Variants in CHL1 observed in about 807,000 individuals in gnomAD.
CHL1 encodes neural cell adhesion molecule L1-like protein.
CHL1 carries 96 observed loss-of-function variants against 141.9 expected under a neutral mutation model. The observed-to-expected ratio is 0.68, with a 90% CI of 0.57 to 0.80. The LOEUF is 0.80. CHL1 is among the 30% of genes least tolerant of loss of function. The pLI is 0.00. For missense variants in CHL1, 1,820 were observed against 1,457.2 expected (o/e 1.25, Z -4.05); for synonymous variants, 613 against 502.2 (o/e 1.22, Z -2.95).
At chr3:363,179 C>T (rs1237592484) in intron 13 of CHL1, 38 bp from the exon 14 acceptor site, 1 of 1,575,342 alleles carries the variant, frequency 6.3e-7, no homozygotes, top group Non-Finnish European at 8.6e-7. Flanking sequence ...TACAATTTTG[C>T]CCTACCTCAG....
Position 360,433 on chromosome 3 carries a change from G to A in CHL1, c.1306+9G>A. The A allele has an allele frequency of 6.2e-7, 1 of 1,612,652 alleles. No homozygotes were observed. Among genetic ancestry groups the A allele is most frequent in the South Asian group, 1.1e-5 (1 of 90,722 alleles). On this transcript the variant is annotated intron_variant, in intron 12 of 27. Transcript: ENST00000256509. ...CAATATTGATGTTGTGGGTGAGTGT[G>A]CCTGGGAGCTGACTTAACATGCTAT...
chr3:276,452 A>G (rs528933807), intron 2 of CHL1, among the ~76,000 whole-genome samples: 6 of 152,302 alleles, frequency 3.9e-5, no homozygotes, highest in African/African-American at 1.4e-4. Flanking sequence ...GCATGATTGG[A>G]ATCCAGTGAC....
At chr3:389,532 T>C in intron 20 of CHL1, 58 bp downstream of exon 20, 1 of 1,304,334 alleles carries the variant, frequency 7.7e-7, no homozygotes, top group Admixed American at 1.7e-5. Context: ...TCAAATATAT[T>C]GTACTTCAAT....
intron 1 of CHL1, among the ~76,000 whole-genome samples, chr3:240,233 C>T (rs3913285): frequency 0.46 from 69,373 of 151,982 alleles, 17,304 homozygotes; most frequent in Non-Finnish European, 0.55. Flanking sequence ...TGCTCCCTTT[C>T]CATTGCATCC....
intron 1 of CHL1, among the ~76,000 whole-genome samples, chr3:210,052 C>A (rs1423032533): frequency 6.6e-6 from 1 of 152,020 alleles, no homozygotes; most frequent in African/African-American, 2.4e-5. Flanking sequence ...TTTAAGACCT[C>A]AATAGATATG....
At chr3:368,674 A>G (rs1705214455) in intron 15 of CHL1, among the ~76,000 whole-genome samples, 1 of 152,194 alleles carries the variant, frequency 6.6e-6, no homozygotes, top group Non-Finnish European at 1.5e-5. Flanking sequence ...GCCCATGCCT[A>G]TGTACTGAAT....
chr3:275,472 G>A (rs976975128), intron 2 of CHL1, among the ~76,000 whole-genome samples: 2 of 152,082 alleles, frequency 1.3e-5, no homozygotes, highest in Non-Finnish European at 2.9e-5. Flanking sequence ...GTAGGCCTAG[G>A]TTTACCACAT....
intron 1 of CHL1, among the ~76,000 whole-genome samples, chr3:223,820 T>C (rs1007248381): frequency 3.4e-4 from 52 of 152,060 alleles, no homozygotes; most frequent in African/African-American, 1.2e-3. Context: ...GAAATGCTGA[T>C]AGGTTGGGGC....
At position 365,258 on chromosome 3, in the gene CHL1, T is replaced by G. The variant is rs144140970; in HGVS notation, c.1586-692T>G. On this transcript the variant is annotated intron_variant, in intron 14 of 27. Transcript: ENST00000256509. ...ATTGCACGTTTTGAAACAATCATAA[T>G]GAACCAAACATTTTCTTAAGGCAGC... is the stretch of plus-strand genomic sequence containing the variant. Among the ~76,000 whole-genome samples the G allele has an allele frequency of 2.4e-3, 368 of 152,350 alleles. 11 individuals are homozygous for G. In the East Asian group the frequency reaches 0.056, roughly 23 times the overall value.
intron 1 of CHL1, chr3:213,328 T>C (rs1356313700): frequency 6.6e-6 from 1 of 152,158 alleles, no homozygotes. Flanking sequence ...GCAGCCTAAC[T>C]CAAGAAAAAT....
At chr3:307,267 A>G (rs1261117295) in intron 2 of CHL1, among the ~76,000 whole-genome samples, 1 of 152,242 alleles carries the variant, frequency 6.6e-6, no homozygotes. Flanking sequence ...TGTATTAGCC[A>G]TCAAATGTAC....
chr3:307,886 C>G (rs914997663), intron 2 of CHL1, among the ~76,000 whole-genome samples: 1 of 152,188 alleles, frequency 6.6e-6, no homozygotes, highest in Admixed American at 6.5e-5. Context: ...CATTACCACA[C>G]AGCCTATGCT....
chr3:389,403 A>T lies in CHL1; in HGVS notation c.2399A>T (p.Lys800Met), dbSNP rs769675595. 2 of 1,614,234 alleles carry T rather than the reference A, an allele frequency of 1.2e-6. No individual in the cohort carries two copies. Among genetic ancestry groups the T allele is most frequent in the South Asian group, 1.1e-5 (1 of 91,082 alleles). Reference protein sequence around the residue: ...TPAVYAPYDVKVQAINQLGSG... With the variant: ...TPAVYAPYDVMVQAINQLGSG... ...GCTGTCTATGCCCCTTATGATGTCA[A>T]GGTCCAGGCTATCAATCAACTAGGA... The change falls in exon 20 of 28, where the codon AAG (lysine) becomes ATG (methionine). Residue 800 changes from lysine (K) to methionine (M), a missense_variant. By Grantham distance (95) the Lys-to-Met change is moderately conservative. Coordinates refer to ENST00000256509, the MANE Select transcript of CHL1 (RefSeq NM_006614.4).
At chr3:403,573 C>G (rs1275993934) in intron 27 of CHL1, among the ~76,000 whole-genome samples, 2 of 151,932 alleles carry the variant, frequency 1.3e-5, no homozygotes, top group East Asian at 3.9e-4. Flanking sequence ...CACAAACAAA[C>G]AAACAAGCAA....
In CHL1 at chr3:366,018, T is replaced by G; in HGVS notation, c.1654T>G (p.Cys552Gly). The G allele has an allele frequency of 1.2e-6, 2 of 1,613,404 alleles. No individual in the cohort carries two copies. The highest frequency in any genetic ancestry group is 1.7e-6 in the Non-Finnish European group (2 of 1,179,366). The change falls in exon 15 of 28, where the codon TGT (cysteine) becomes GGT (glycine). Residue 552 changes from cysteine (C) to glycine (G), a missense_variant. By Grantham distance (159) the Cys-to-Gly change is radical. Transcript: ENST00000256509. ...CAAATTGCATATGCTTGAATTACAT[T>G]GTGAAAGCAAATGTGACTCACATTT... ...IPKLHMLELH[C>G]ESKCDSHLKH... is the part of the protein sequence containing the mutation.
chr3:369,611 C>T (rs1392215350), intron 15 of CHL1, among the ~76,000 whole-genome samples: 2 of 152,182 alleles, frequency 1.3e-5, no homozygotes, highest in Admixed American at 6.5e-5. Flanking sequence ...CCTGATGGCC[C>T]TGGCCAGAAC....
intron 2 of CHL1, among the ~76,000 whole-genome samples, chr3:250,725 T>G (rs1195386006): frequency 6.6e-6 from 1 of 152,162 alleles, no homozygotes; most frequent in Non-Finnish European, 1.5e-5. Flanking sequence ...CTGATCTCTT[T>G]CAGTTCCTAT....
chr3:206,463 T>TA (rs946862196), intron 1 of CHL1, among the ~76,000 whole-genome samples: 2 of 151,226 alleles, frequency 1.3e-5, no homozygotes, highest in African/African-American at 2.4e-5. Flanking sequence ...GAGACTGTCT[T>TA]AAAAAAAAAT....
intron 1 of CHL1, chr3:197,806 CG>C (rs1360813697): frequency 1.1e-5 from 5 of 454,674 alleles, no homozygotes; most frequent in African/African-American, 8.1e-5. Flanking sequence ...TAGCGGAGCC[CG>C]GGGGGCTGGA....
Sources: gnomAD v4.1 joint callset for allele counts (sites outside exome capture counted in the v4.1 genomes callset) on GRCh38, gnomAD v4.1.1 for gene constraint, MANE v1.5 for transcripts, NCBI Gene and HGNC (gene_info 2026-07-23, HGNC 2026-07-21) for gene names.